Variants in TRIM71 observed in about 807,000 individuals in gnomAD.
TRIM71 encodes E3 ubiquitin-protein ligase TRIM71.
A neutral mutation model predicts 61.2 loss-of-function variants in TRIM71; 9 were observed. That is an observed-to-expected ratio of 0.15 (90% CI 0.09 to 0.26). The LOEUF is 0.26. TRIM71 is among the 10% of genes least tolerant of loss of function. The probability of loss-of-function intolerance (pLI) is 1.00; values close to 1 mark genes in which losing one functional copy is unlikely to be tolerated. For synonymous variants in TRIM71, 645 were observed against 553.2 expected (o/e 1.17, Z -2.33); for missense variants, 998 against 1,238.7 (o/e 0.81, Z 2.92).
chr3:32,844,906 T>C (rs1484717673), intron 1 of TRIM71, among the ~76,000 whole-genome samples: 1 of 152,128 alleles, frequency 6.6e-6, no homozygotes, highest in African/African-American at 2.4e-5. Flanking sequence ...TTAATGACAT[T>C]GGGATGGAAA....
At chr3:32,828,866 G>C (rs1696234209) in intron 1 of TRIM71, among the ~76,000 whole-genome samples, 1 of 152,062 alleles carries the variant, frequency 6.6e-6, no homozygotes, top group African/African-American at 2.4e-5. Flanking sequence ...TGTAGAGACA[G>C]GGTTCTCACT....
intron 1 of TRIM71, among the ~76,000 whole-genome samples, chr3:32,844,087 G>A (rs894232914): frequency 6.6e-6 from 1 of 152,156 alleles, no homozygotes. Context: ...GCTTACCCAT[G>A]CTTTCTCGCG....
At chr3:32,828,868 G>T (rs190808114) in intron 1 of TRIM71, among the ~76,000 whole-genome samples, 108 of 152,170 alleles carry the variant, frequency 7.1e-4, no homozygotes, top group African/African-American at 2.6e-3. Flanking sequence ...TAGAGACAGG[G>T]TTCTCACTTT....
At chr3:32,884,763 A>G (rs1425882083) in intron 2 of TRIM71, among the ~76,000 whole-genome samples, 3 of 152,164 alleles carry the variant, frequency 2.0e-5, no homozygotes, top group Non-Finnish European at 4.4e-5. Flanking sequence ...ATTTTATGAT[A>G]GGAGCTAAGT....
rs780431467 is a variant in TRIM71, at chr3:32,818,526, A to C, written c.446A>C (p.His149Pro). The C allele has an allele frequency of 4.9e-4, 679 of 1,398,440 alleles. 1 individual carries two copies. The highest frequency in any genetic ancestry group is 6.0e-4 in the Non-Finnish European group (649 of 1,080,172). 86.6% of individuals were successfully genotyped at this position (1,398,440 alleles called of 1,614,324 possible). Residue 149 changes from histidine to proline, a missense_variant, in exon 1 of 4, where the codon CAC (histidine) becomes CCC (proline). By Grantham distance (77) the His-to-Pro change is moderately conservative. Around this residue, in one of 5 missense-constraint regions of TRIM71, gnomAD observed 527 missense variants for 427.8 expected, o/e 1.23. Coordinates refer to ENST00000383763, the MANE Select transcript of TRIM71 (RefSeq NM_001039111.3). ...APAGAGGHSNHRHHAHHAHPR... is the reference protein window; with the variant it reads ...APAGAGGHSNPRHHAHHAHPR... ...GCGGGAGCGGGCGGCCACAGCAACC[A>C]CCGGCACCACGCTCACCACGCGCAC...
chr3:32,880,797 A>T (rs1278874642), intron 2 of TRIM71, among the ~76,000 whole-genome samples: 1 of 152,192 alleles, frequency 6.6e-6, no homozygotes, highest in African/African-American at 2.4e-5. Flanking sequence ...TCCACAAGGT[A>T]AACTGATTTG....
At chr3:32,824,121 C>A (rs1261728920) in intron 1 of TRIM71, among the ~76,000 whole-genome samples, 1 of 151,980 alleles carries the variant, frequency 6.6e-6, no homozygotes, top group East Asian at 1.9e-4. Flanking sequence ...ATTGCCATTT[C>A]CCATCTAGTT....
chr3:32,891,376 C>T lies in TRIM71; in HGVS notation c.2172C>T (p.Ile724=). The change falls in exon 4 of 4, where the codon ATC becomes ATT. Residue 724 remains isoleucine, a synonymous_variant. Transcript: ENST00000383763. The surrounding 1 kb of genome is among the most constrained non-coding windows in gnomAD (Gnocchi z 8.2). The part of the protein sequence containing the change: ...ILVSDTRNHR[I]QLFGPDGVFL... ...TCTCAGACACGAGGAACCACCGGAT[C>T]CAGCTGTTTGGGCCTGATGGTGTCT... The T allele has an allele frequency of 6.2e-7, 1 of 1,614,118 alleles. No homozygotes were observed.
At chr3:32,880,514 C>T (rs1310965266) in intron 2 of TRIM71, among the ~76,000 whole-genome samples, 1 of 152,170 alleles carries the variant, frequency 6.6e-6, no homozygotes, top group Non-Finnish European at 1.5e-5. Context: ...TAAAGAGACT[C>T]ACAACTTGTC....
At position 32,890,350 on chromosome 3, in the gene TRIM71, T is replaced by C. The variant is rs1363578900; in HGVS notation, c.1156-10T>C. 4.4e-6 allele frequency: 7 copies of C among 1,602,830 alleles called. No homozygotes were observed. Among genetic ancestry groups the C allele is most frequent in the African/African-American group, 1.3e-5 (1 of 74,722 alleles). On this transcript the variant is annotated splice_polypyrimidine_tract_variant and intron_variant, in intron 3 of 3. Transcript: ENST00000383763. The surrounding 1 kb of genome is among the most constrained non-coding windows in gnomAD (Gnocchi z 6.2). Reference sequence around the variant, plus strand: ...TCTGTGTCTTTCTCCACTCTTGCTTTTCCCTCCAGGTAGAAAAGATCCGCC... The same window carrying C: ...TCTGTGTCTTTCTCCACTCTTGCTTCTCCCTCCAGGTAGAAAAGATCCGCC...
rs921040756 is a variant in TRIM71 at position 32,892,087 on chromosome 3, C to T, written c.*276C>T. 52 of 365,526 alleles carry T rather than the reference C, an allele frequency of 1.4e-4. No individual in the cohort carries two copies. The highest frequency in any genetic ancestry group is 2.2e-4 in the Non-Finnish European group (46 of 206,548). 22.6% of individuals were successfully genotyped at this position (365,526 alleles called of 1,614,324 possible). A position where few individuals can be genotyped will look rare whatever the true frequency, so the allele number is the denominator to read the frequency against. The stretch of plus-strand genomic sequence containing the variant: ...TCTACCTCATAAATCTTTACATTTC[C>T]TTCTGCAACAGGCCCTCTTCCCCTC... On this transcript the variant is annotated 3_prime_UTR_variant, in exon 4 of 4. Coordinates refer to ENST00000383763, the MANE Select transcript of TRIM71 (RefSeq NM_001039111.3).
At chr3:32,886,359 A>G (rs1365488593) in intron 3 of TRIM71, among the ~76,000 whole-genome samples, 2 of 152,266 alleles carry the variant, frequency 1.3e-5, no homozygotes, top group Non-Finnish European at 1.5e-5. Context: ...AGAAGGGAGC[A>G]TAGTCGAAAC....
chr3:32,897,803 T>C lies in TRIM71; in HGVS notation c.*5992T>C, dbSNP rs1697096122. The C allele has an allele frequency of 6.6e-6, 1 of 152,204 alleles. No homozygotes were observed. Among genetic ancestry groups the C allele is most frequent in the African/African-American group, 2.4e-5 (1 of 41,446 alleles). 9.4% of individuals were successfully genotyped at this position (152,204 alleles called of 1,614,324 possible). ...CTTATTTTATTTTTGTTTAATCAAA[T>C]AAACGAGGGTTTTTCCATGGCTACA... On this transcript the variant is annotated 3_prime_UTR_variant, in exon 4 of 4. Transcript: ENST00000383763.
intron 1 of TRIM71, among the ~76,000 whole-genome samples, chr3:32,867,860 T>C (rs544239453): frequency 6.6e-6 from 1 of 152,234 alleles, no homozygotes; most frequent in Non-Finnish European, 1.5e-5. Context: ...GTCTTGGATG[T>C]TGGAGTTGCA....
rs1267658027 is a variant in TRIM71 at position 32,852,795 on chromosome 3, T to C, written c.853-21023T>C. 4.0e-5 allele frequency among the ~76,000 whole-genome samples: 6 copies of C among 151,276 alleles called. No individual in the cohort carries two copies. The East Asian group carries it at 1.2e-3, about 29-fold the overall frequency. On this transcript the variant is annotated intron_variant, in intron 1 of 3. Coordinates refer to ENST00000383763, the MANE Select transcript of TRIM71 (RefSeq NM_001039111.3). ...AAAAACAAAAACAAACTTTATCTGGTATTTAGTATAAGCAATAATGAAACA... is the reference window on the plus strand; with the variant it reads ...AAAAACAAAAACAAACTTTATCTGGCATTTAGTATAAGCAATAATGAAACA...
chr3:32,882,059 G>A (rs940773238), intron 2 of TRIM71, among the ~76,000 whole-genome samples: 5 of 152,192 alleles, frequency 3.3e-5, no homozygotes, highest in Non-Finnish European at 7.3e-5. Context: ...CGATAAGCCT[G>A]GCTAGGAGAC....
At chr3:32,838,063 G>A (rs911221431) in intron 1 of TRIM71, among the ~76,000 whole-genome samples, 18 of 152,154 alleles carry the variant, frequency 1.2e-4, no homozygotes, top group African/African-American at 3.1e-4. Context: ...CTGGCTATCC[G>A]GGTGTTTGAG....
intron 1 of TRIM71, among the ~76,000 whole-genome samples, chr3:32,825,360 T>C (rs1251244395): frequency 6.6e-6 from 1 of 152,206 alleles, no homozygotes; most frequent in Non-Finnish European, 1.5e-5. Flanking sequence ...TAAATTTTTC[T>C]GGTTCAAGAG....
At chr3:32,839,291 C>T (rs1322257338) in intron 1 of TRIM71, among the ~76,000 whole-genome samples, 2 of 150,074 alleles carry the variant, frequency 1.3e-5, no homozygotes, top group African/African-American at 2.5e-5. Flanking sequence ...AGTGCAGTGG[C>T]ATCATCTCGG....
Sources: gnomAD v4.1 joint callset for allele counts (sites outside exome capture counted in the v4.1 genomes callset) on GRCh38, gnomAD v4.1.1 for gene constraint, gnomAD v4.1.1 regional missense constraint, Gnocchi (gnomAD v3.1) non-coding constraint, MANE v1.5 for transcripts, NCBI Gene and HGNC (gene_info 2026-07-23, HGNC 2026-07-21) for gene names.